Variants in DYNC2H1 observed in about 807,000 individuals in gnomAD.
DYNC2H1 encodes dynein cytoplasmic 2 heavy chain 1, also known as cytoplasmic dynein 2 heavy chain 1.
In DYNC2H1, 410 loss-of-function variants were observed where a neutral mutation model predicts 570.0. The observed-to-expected ratio is 0.72, with a 90% CI of 0.66 to 0.78. The LOEUF is 0.78. Ranked by LOEUF, DYNC2H1 falls within the 30% of genes least tolerant of loss-of-function variation. DYNC2H1 has a pLI of 0.00. For synonymous variants in DYNC2H1, 1,688 were observed against 1,677.6 expected (o/e 1.01, Z -0.15); for missense variants, 4,865 against 5,046.4 (o/e 0.96, Z 1.09).
chr11:103,268,075 A>G lies in DYNC2H1; in HGVS notation c.10695+8098A>G, dbSNP rs1454506591. Among the ~76,000 whole-genome samples, 1 of 151,970 alleles carries G rather than the reference A, an allele frequency of 6.6e-6. No individual in the cohort carries two copies. The highest frequency in any genetic ancestry group is 1.5e-5 in the Non-Finnish European group (1 of 67,932). On this transcript the variant is annotated intron_variant, in intron 70 of 88. Coordinates refer to ENST00000375735, the MANE Select transcript of DYNC2H1 (RefSeq NM_001377.3). The surrounding 1 kb of genome is among the most constrained non-coding windows in gnomAD (Gnocchi z 4.6). ...ATATGGTACACTTATTTTTATGTAT[A>G]GTATAAGTATTTCTATTCAGTAAAT...
At position 103,203,758 on chromosome 11, in the gene DYNC2H1, T is replaced by C; in HGVS notation, c.8293T>C (p.Phe2765Leu). ...ASQDGFFGPV[F>L]NYFTYRIQQN... is the part of the protein sequence containing the mutation. The stretch of plus-strand genomic sequence containing the variant: ...ACAAGATGGTTTTTTTGGACCAGTC[T>C]TCAATTACTTCACATATAGTAAGTG... Residue 2765 changes from phenylalanine (F) to leucine (L), a missense_variant, in exon 51 of 89, where the codon TTC becomes CTC. Physicochemically the swap from Phe to Leu is conservative, Grantham distance 22 (BLOSUM62 0). Around this residue, in one of 5 missense-constraint regions of DYNC2H1, gnomAD observed 2,401 missense variants for 2,454.6 expected, o/e 0.98. Transcript: ENST00000375735. This position sits in a 1 kb window ranked among gnomAD's most constrained non-coding sequence, Gnocchi z 4.7. The C allele has an allele frequency of 6.2e-7, 1 of 1,607,022 alleles. No individual in the cohort carries two copies. The highest frequency in any genetic ancestry group is 1.1e-5 in the South Asian group (1 of 90,182).
intron 87 of DYNC2H1, among the ~76,000 whole-genome samples, chr11:103,464,943 ATATGT>A (rs1270788242): frequency 1.3e-5 from 2 of 152,180 alleles, no homozygotes; most frequent in South Asian, 4.1e-4. Context: ...TGACTGTAAA[ATATGT>A]TATGCTTAAG....
intron 83 of DYNC2H1, among the ~76,000 whole-genome samples, chr11:103,360,748 C>T (rs1940597625): frequency 6.6e-6 from 1 of 152,048 alleles, no homozygotes; most frequent in African/African-American, 2.4e-5. Context: ...ATGGTACCTA[C>T]CTTGTGGAGT....
chr11:103,470,874 A>G (rs1476951008), intron 88 of DYNC2H1, among the ~76,000 whole-genome samples: 1 of 152,208 alleles, frequency 6.6e-6, no homozygotes, highest in Admixed American at 6.5e-5. Context: ...CGCTATAAAC[A>G]TACGTGTGCA....
chr11:103,343,166 G>A (rs61896781), intron 82 of DYNC2H1, among the ~76,000 whole-genome samples: 32,936 of 152,044 alleles, frequency 0.22, 3,707 homozygotes, highest in Admixed American at 0.31. Flanking sequence ...GGGTTGACAG[G>A]GAGGAAAGCC....
At chr11:103,367,097 ATTAC>A (rs1940942181) in intron 83 of DYNC2H1, among the ~76,000 whole-genome samples, 1 of 152,166 alleles carries the variant, frequency 6.6e-6, no homozygotes, top group African/African-American at 2.4e-5. Context: ...TTCTAAATGA[ATTAC>A]TTCTCTGGGA....
In DYNC2H1 at chr11:103,228,388, T is replaced by A. The variant is rs551925106; in HGVS notation, c.9354-2872T>A. On this transcript the variant is annotated intron_variant, in intron 59 of 88. Coordinates refer to ENST00000375735, the MANE Select transcript of DYNC2H1 (RefSeq NM_001377.3). The surrounding 1 kb of genome is among the most constrained non-coding windows in gnomAD (Gnocchi z 6.1). ...TTTGTCTCATGGGGCGCTCCCTTGC[T>A]GTGATGGTCTTTCCCTTCCCCTAGG... Among the ~76,000 whole-genome samples the A allele has an allele frequency of 6.6e-6, 1 of 152,296 alleles. No homozygotes were observed. The highest frequency in any genetic ancestry group is 2.1e-4 in the South Asian group (1 of 4,824).
At chr11:103,110,211 G>A (rs987214919) in intron 1 of DYNC2H1, among the ~76,000 whole-genome samples, 1 of 151,946 alleles carries the variant, frequency 6.6e-6, no homozygotes, top group Non-Finnish European at 1.5e-5. Context: ...GTAGAGACGG[G>A]GGTTTCACCA....
chr11:103,459,382 G>C (rs533468202), intron 87 of DYNC2H1, among the ~76,000 whole-genome samples: 2 of 147,024 alleles, frequency 1.4e-5, no homozygotes, highest in South Asian at 4.3e-4. Context: ...ATTTGTTTTC[G>C]TATTACTACT....
At chr11:103,420,841 A>T (rs682168) in intron 84 of DYNC2H1, among the ~76,000 whole-genome samples, 84,423 of 151,984 alleles carry the variant, frequency 0.56, 24,096 homozygotes, top group East Asian at 0.72. Context: ...ATAACCAGCT[A>T]ACATCATGGT....
chr11:103,234,327 C>T (rs1490801549), intron 61 of DYNC2H1, among the ~76,000 whole-genome samples, 167 bp downstream of exon 61: 2 of 151,866 alleles, frequency 1.3e-5, no homozygotes, highest in Non-Finnish European at 2.9e-5. Context: ...TTAAACAAAG[C>T]GTCTTTATAT....
At chr11:103,168,714 T>G (rs747397784) in intron 31 of DYNC2H1, 41 bp from the exon 32 acceptor site, 2 of 1,583,158 alleles carry the variant, frequency 1.3e-6, no homozygotes, top group South Asian at 2.2e-5. Flanking sequence ...AATCACAGGC[T>G]AACATTTTCT....
At chr11:103,152,715 G>T (rs616676) in intron 21 of DYNC2H1, among the ~76,000 whole-genome samples, 57 of 152,160 alleles carry the variant, frequency 3.7e-4, no homozygotes, top group African/African-American at 1.3e-3. Flanking sequence ...ACTTTGTCTG[G>T]GTCCTAGGTT....
intron 83 of DYNC2H1, among the ~76,000 whole-genome samples, chr11:103,378,441 T>C (rs1591651476): frequency 1.3e-5 from 2 of 152,320 alleles, no homozygotes; most frequent in South Asian, 2.1e-4. Context: ...TTACTCAAAA[T>C]GAGCTAATTA....
Position 103,223,026 on chromosome 11 carries a change from A to G in DYNC2H1, c.9293A>G (p.Gln3098Arg), listed in dbSNP as rs370893442. 4 of 1,613,362 alleles carry G rather than the reference A, an allele frequency of 2.5e-6. No homozygotes were observed. The highest frequency in any genetic ancestry group is 1.3e-5 in the African/African-American group (1 of 74,902). ...GCTGCCTGGGTGAAAGCCAATATTC[A>G]GTATTCCCATGTCTTGGAACGAATT... ...PLAAWVKANI[Q>R]YSHVLERIHP... Residue 3098 changes from glutamine (Q) to arginine (R), a missense_variant, in exon 59 of 89, where the codon CAG (glutamine) becomes CGG (arginine). Physicochemically the swap from Gln to Arg is conservative, Grantham distance 43. Coordinates refer to ENST00000375735, the MANE Select transcript of DYNC2H1 (RefSeq NM_001377.3).
chr11:103,269,435 G>A (rs976643098), intron 70 of DYNC2H1, among the ~76,000 whole-genome samples: 1 of 152,122 alleles, frequency 6.6e-6, no homozygotes, highest in South Asian at 2.1e-4. Flanking sequence ...CTACCTGCTA[G>A]GTTTCTCTCA....
At chr11:103,396,572 AC>A (rs1221532194) in intron 83 of DYNC2H1, among the ~76,000 whole-genome samples, 2 of 152,196 alleles carry the variant, frequency 1.3e-5, no homozygotes, top group Non-Finnish European at 2.9e-5. Flanking sequence ...TTATCAACAA[AC>A]AAAAAGAATG....
At chr11:103,310,099 C>A (rs1156615315) in intron 78 of DYNC2H1, among the ~76,000 whole-genome samples, 2 of 151,812 alleles carry the variant, frequency 1.3e-5, no homozygotes, top group East Asian at 3.9e-4. Flanking sequence ...TTGTTAAATT[C>A]ACTTCATTAT....
At chr11:103,416,442 G>C (rs1238217698) in intron 84 of DYNC2H1, among the ~76,000 whole-genome samples, 5 of 152,096 alleles carry the variant, frequency 3.3e-5, no homozygotes, top group Non-Finnish European at 7.4e-5. Context: ...ATACTACAAG[G>C]CTACAGTAAC....
Sources: allele counts gnomAD v4.1 joint callset (sites outside exome capture counted in the v4.1 genomes callset), GRCh38; gene constraint gnomAD v4.1.1; regional missense constraint gnomAD v4.1.1; non-coding constraint Gnocchi (gnomAD v3.1); transcripts MANE v1.5; gene names NCBI Gene and HGNC (gene_info 2026-07-23, HGNC 2026-07-21).